SYT9: variants seen among roughly 807,000 people sequenced by gnomAD.
SYT9 encodes the protein synaptotagmin 9.
A neutral mutation model predicts 48.4 loss-of-function variants in SYT9; 22 were observed. The ratio of observed to expected loss-of-function variants is 0.45; its 90% CI spans 0.32 to 0.65. The LOEUF (loss-of-function observed/expected upper bound fraction) is 0.65, where lower values mean the gene tolerates loss of function less well. Ranked by LOEUF, SYT9 falls within the 30% of genes least tolerant of loss-of-function variation. SYT9 has a pLI of 0.03. For synonymous variants in SYT9, 265 were observed against 245.0 expected (o/e 1.08, Z -0.76); for missense variants, 577 against 622.0 (o/e 0.93, Z 0.77).
chr11:7,403,140 A>T (rs1251466821), intron 3 of SYT9, among the ~76,000 whole-genome samples: 1 of 152,122 alleles, frequency 6.6e-6, no homozygotes, highest in African/African-American at 2.4e-5. Flanking sequence ...TAGTGCTGTA[A>T]ATTTCCCTGT....
chr11:7,328,111 A>AT lies in SYT9; in HGVS notation c.1044+14175dup, dbSNP rs995158240. 9.8e-4 allele frequency among the ~76,000 whole-genome samples: 146 copies of AT among 149,572 alleles called. 2 individuals are homozygous for AT. Among genetic ancestry groups the AT allele is most frequent in the Middle Eastern group, 7.1e-3 (2 of 282 alleles). On this transcript the variant is annotated intron_variant, in intron 3 of 6. Coordinates refer to ENST00000318881, the MANE Select transcript of SYT9 (RefSeq NM_175733.4). ...AATAATAATAATAATTTTAAAAAAA[A>AT]TTTTTCTTTTAGTTTTGTCTTGTAT...
chr11:7,373,771 AG>A (rs1178755564), intron 3 of SYT9, among the ~76,000 whole-genome samples: 2 of 152,046 alleles, frequency 1.3e-5, no homozygotes, highest in Non-Finnish European at 2.9e-5. Flanking sequence ...AAGCACCTGG[AG>A]GGTGGGAAAG....
intron 3 of SYT9, among the ~76,000 whole-genome samples, chr11:7,413,667 C>G (rs1306802897): frequency 6.6e-6 from 1 of 152,006 alleles, no homozygotes; most frequent in Non-Finnish European, 1.5e-5. Context: ...CCAGTGTTCT[C>G]TCTTAGATGA....
chr11:7,368,764 T>C (rs1025035065), intron 3 of SYT9, among the ~76,000 whole-genome samples: 2 of 152,232 alleles, frequency 1.3e-5, no homozygotes, highest in Non-Finnish European at 2.9e-5. Flanking sequence ...CAGTCTATCA[T>C]TGATGGGCAT....
chr11:7,352,712 T>C (rs1305122365), intron 3 of SYT9, among the ~76,000 whole-genome samples: 2 of 152,104 alleles, frequency 1.3e-5, no homozygotes, highest in Admixed American at 1.3e-4. Flanking sequence ...GAGACACACC[T>C]ATGAAAAGCT....
At chr11:7,305,507 A>T (rs1849014747) in intron 2 of SYT9, among the ~76,000 whole-genome samples, 1 of 152,198 alleles carries the variant, frequency 6.6e-6, no homozygotes, top group Non-Finnish European at 1.5e-5. Context: ...AAATGCACAC[A>T]CACATACACA....
intron 3 of SYT9, among the ~76,000 whole-genome samples, chr11:7,344,929 T>TACACACACAC (rs60652691): frequency 0.063 from 9,429 of 148,892 alleles, 579 homozygotes; most frequent in East Asian, 0.28. Context: ...CTCATTATTT[T>TACACACACAC]ACACACACAC....
intron 1 of SYT9, among the ~76,000 whole-genome samples, chr11:7,239,282 C>G (rs1847716045): frequency 6.6e-6 from 1 of 152,162 alleles, no homozygotes; most frequent in Non-Finnish European, 1.5e-5. Context: ...AAGATTCTGG[C>G]TCCACTGTTC....
intron 3 of SYT9, among the ~76,000 whole-genome samples, chr11:7,382,306 A>C (rs1343126628): frequency 6.6e-6 from 1 of 152,206 alleles, no homozygotes; most frequent in Non-Finnish European, 1.5e-5. Context: ...AAATTGGACA[A>C]ATTCTAGATA....
intron 6 of SYT9, chr11:7,454,311 A>G (rs1302161547): frequency 2.0e-6 from 2 of 985,186 alleles, no homozygotes; most frequent in Admixed American, 1.2e-4. Flanking sequence ...TCATGATTCC[A>G]GATGATGCTT....
intron 4 of SYT9, 79 bp from the exon 5 acceptor site, chr11:7,417,878 G>A: frequency 6.8e-7 from 1 of 1,478,612 alleles, no homozygotes; most frequent in Non-Finnish European, 9.2e-7. Flanking sequence ...CATAGTCCAT[G>A]AAAACTCACA....
rs1048771911 is a variant in SYT9, at chr11:7,398,214, G to GT, written c.1045-17820dup. Among the ~76,000 whole-genome samples the GT allele has an allele frequency of 7.4e-4, 112 of 151,872 alleles. 1 individual carries two copies. The highest frequency in any genetic ancestry group is 3.4e-3 in the Middle Eastern group (1 of 294). On this transcript the variant is annotated intron_variant, in intron 3 of 6. Transcript: ENST00000318881. The stretch of plus-strand genomic sequence containing the variant: ...AAATGATCATTTTGCCTCTATTCAT[G>GT]TTTTTTTTAGTCTATGATTTGGTGA...
At position 7,274,317 on chromosome 11, in the gene SYT9, C is replaced by CTTTT. The variant is rs576480483; in HGVS notation, c.145+22003_145+22006dup. Among the ~76,000 whole-genome samples the CTTTT allele has an allele frequency of 2.2e-4, 28 of 125,042 alleles. 1 individual carries two copies. Among genetic ancestry groups the CTTTT allele is most frequent in the African/African-American group, 7.1e-4 (23 of 32,248 alleles). The allele number at this position is 125,042 out of a possible 152,430, so 82.0% of individuals were successfully genotyped here. On this transcript the variant is annotated intron_variant, in intron 1 of 6. Coordinates refer to ENST00000318881, the MANE Select transcript of SYT9 (RefSeq NM_175733.4). ...TTCCTTATATCTGTGTGAAGTTCAT[C>CTTTT]TTTTTTTTTTTTTTTTTTTTGACAG...
Position 7,354,529 on chromosome 11 carries a change from G to C in SYT9, c.1044+40588G>C, listed in dbSNP as rs184447898. 8.5e-5 allele frequency among the ~76,000 whole-genome samples: 13 copies of C among 152,240 alleles called. No homozygotes were observed. The East Asian group carries it at 2.5e-3, about 29-fold the overall frequency. On this transcript the variant is annotated intron_variant, in intron 3 of 6. Coordinates refer to ENST00000318881, the MANE Select transcript of SYT9 (RefSeq NM_175733.4). ...ATGCTGCACCAGGGCTTTTCCTGTT[G>C]AAACCCAGGCCCTGAGGCTTGGACT...
chr11:7,444,069 T>A (rs1170085876), intron 6 of SYT9: 1 of 152,228 alleles, frequency 6.6e-6, no homozygotes, highest in East Asian at 1.9e-4. Context: ...TGCAGGTCGA[T>A]GAGGGCTCCT....
At chr11:7,356,307 T>C (rs950217282) in intron 3 of SYT9, among the ~76,000 whole-genome samples, 3 of 152,248 alleles carry the variant, frequency 2.0e-5, no homozygotes, top group African/African-American at 7.2e-5. Flanking sequence ...AATACCTTCT[T>C]TGAAATGCGG....
chr11:7,362,154 T>C (rs533975908), intron 3 of SYT9, among the ~76,000 whole-genome samples: 80 of 147,180 alleles, frequency 5.4e-4, no homozygotes, highest in African/African-American at 1.9e-3. Context: ...TTTTTTTTTA[T>C]TTTTTTTTGA....
At chr11:7,349,732 A>G (rs148016393) in intron 3 of SYT9, among the ~76,000 whole-genome samples, 2 of 152,342 alleles carry the variant, frequency 1.3e-5, no homozygotes, top group African/African-American at 2.4e-5. Context: ...TTATGCCCAT[A>G]TGACAGAATA....
intron 1 of SYT9, among the ~76,000 whole-genome samples, chr11:7,262,417 T>C (rs1349313934): frequency 6.6e-6 from 1 of 152,040 alleles, no homozygotes; most frequent in Non-Finnish European, 1.5e-5. Flanking sequence ...GTCATCAGCA[T>C]GTATGTGATA....
Sources: gnomAD v4.1 joint callset for allele counts (sites outside exome capture counted in the v4.1 genomes callset) on GRCh38, gnomAD v4.1.1 for gene constraint, MANE v1.5 for transcripts, NCBI Gene and HGNC (gene_info 2026-07-23, HGNC 2026-07-21) for gene names.